Variants in EPB41L4B observed in about 807,000 individuals in gnomAD.
EPB41L4B encodes the protein band 4.1-like protein 4B.
A neutral mutation model predicts 112.5 loss-of-function variants in EPB41L4B; 30 were observed. The observed-to-expected ratio is 0.27, with a 90% confidence interval of 0.20 to 0.36. The LOEUF is 0.36. EPB41L4B is among the 10% of genes least tolerant of loss of function. The pLI, the probability that EPB41L4B is intolerant of heterozygous loss-of-function variation, is 1.00. For missense variants in EPB41L4B, 1,024 were observed against 1,133.3 expected (o/e 0.90, Z 1.38); for synonymous variants, 408 against 439.7 (o/e 0.93, Z 0.90).
Position 109,256,202 on chromosome 9 carries a change from G to A in EPB41L4B, c.863C>T (p.Ser288Phe). 6.2e-7 allele frequency: 1 copy of A among 1,614,164 alleles called. No homozygotes were observed. The highest frequency in any genetic ancestry group is 8.5e-7 in the Non-Finnish European group (1 of 1,180,000). The change falls in exon 9 of 26, where the codon TCT (serine) becomes TTT (phenylalanine). Residue 288 changes from serine (S) to phenylalanine (F), a missense_variant. Physicochemically the swap from Ser to Phe is radical, Grantham distance 155. Coordinates refer to ENST00000374566, the MANE Select transcript of EPB41L4B (RefSeq NM_019114.5). ...TATGCCTGTCGGGGTCAGTCCAAGA[G>A]AATATTCACAGCCATCTCTTCCCTA... is the stretch of plus-strand genomic sequence containing the variant. ...VVRGRDGCEY[S>F]LGLTPTGILI...
chr9:109,311,112 T>C (rs1279026571), intron 1 of EPB41L4B, among the ~76,000 whole-genome samples: 2 of 152,136 alleles, frequency 1.3e-5, no homozygotes, highest in African/African-American at 4.8e-5. Context: ...TGGAGACCAA[T>C]GGTGGTGAAG....
At chr9:109,231,273 T>C (rs1833944707) in intron 15 of EPB41L4B, among the ~76,000 whole-genome samples, 1 of 151,796 alleles carries the variant, frequency 6.6e-6, no homozygotes, top group Admixed American at 6.6e-5. Flanking sequence ...AATGTTCCAA[T>C]CAACTTTGCA....
intron 24 of EPB41L4B, among the ~76,000 whole-genome samples, chr9:109,181,093 C>T (rs1373938903): frequency 2.0e-5 from 3 of 152,178 alleles, no homozygotes; most frequent in Non-Finnish European, 2.9e-5. Context: ...ATCACTGCAG[C>T]GTCAGCCTCC....
intron 1 of EPB41L4B, among the ~76,000 whole-genome samples, chr9:109,316,350 C>A (rs1465507545): frequency 1.3e-5 from 2 of 152,234 alleles, no homozygotes; most frequent in African/African-American, 2.4e-5. Context: ...CCACACTGAG[C>A]ACACAGGGCA....
At chr9:109,239,209 G>T (rs1834265704) in intron 15 of EPB41L4B, among the ~76,000 whole-genome samples, 1 of 152,198 alleles carries the variant, frequency 6.6e-6, no homozygotes, top group African/African-American at 2.4e-5. Flanking sequence ...TACCAAGGCA[G>T]AGGTGAACAG....
chr9:109,189,438 G>T (rs565473613), intron 22 of EPB41L4B, among the ~76,000 whole-genome samples: 1 of 152,264 alleles, frequency 6.6e-6, no homozygotes, highest in South Asian at 2.1e-4. Context: ...AAGAGATCAA[G>T]ATGTGTTACA....
chr9:109,278,141 C>T (rs1404476173), intron 2 of EPB41L4B, among the ~76,000 whole-genome samples: 1 of 152,120 alleles, frequency 6.6e-6, no homozygotes, highest in Non-Finnish European at 1.5e-5. Flanking sequence ...CGGAATTGGA[C>T]TCAGAGGTGG....
chr9:109,175,404 T>C (rs1467680684), intron 25 of EPB41L4B, among the ~76,000 whole-genome samples: 2 of 151,652 alleles, frequency 1.3e-5, no homozygotes, highest in East Asian at 3.9e-4. Flanking sequence ...TTTTGAGAAG[T>C]TGCCTCTGAC....
At chr9:109,276,601 G>C (rs1835839819) in intron 2 of EPB41L4B, among the ~76,000 whole-genome samples, 1 of 152,230 alleles carries the variant, frequency 6.6e-6, no homozygotes, top group South Asian at 2.1e-4. Context: ...AAAGGCCTGA[G>C]AGCCTGAGCA....
At chr9:109,194,958 T>C (rs1187902146) in intron 20 of EPB41L4B, among the ~76,000 whole-genome samples, 3 of 152,336 alleles carry the variant, frequency 2.0e-5, no homozygotes, top group African/African-American at 4.8e-5. Context: ...CATTGTAGCA[T>C]ACATCAAAAT....
intron 18 of EPB41L4B, among the ~76,000 whole-genome samples, chr9:109,207,347 AT>A (rs1210577247): frequency 6.6e-6 from 1 of 152,090 alleles, no homozygotes; most frequent in Non-Finnish European, 1.5e-5. Flanking sequence ...AGGCGCGAGG[AT>A]TGCTTGAGTC....
chr9:109,264,170 T>C (rs1835318247), intron 5 of EPB41L4B, among the ~76,000 whole-genome samples: 1 of 152,246 alleles, frequency 6.6e-6, no homozygotes, highest in Admixed American at 6.5e-5. Flanking sequence ...ACTTGTTCTA[T>C]TGGTCTATGG....
chr9:109,298,980 C>G (rs1319950945), intron 1 of EPB41L4B, among the ~76,000 whole-genome samples: 2 of 152,242 alleles, frequency 1.3e-5, no homozygotes, highest in South Asian at 2.1e-4. Context: ...CCTAGAGAAG[C>G]AAAAATAGGA....
chr9:109,184,494 C>G (rs772587864), intron 23 of EPB41L4B, among the ~76,000 whole-genome samples: 7 of 152,382 alleles, frequency 4.6e-5, no homozygotes, highest in South Asian at 2.1e-4. Flanking sequence ...GCTGGGATTA[C>G]AGGCGTGAGC....
chr9:109,298,246 T>C (rs954400481), intron 1 of EPB41L4B, among the ~76,000 whole-genome samples: 1 of 152,072 alleles, frequency 6.6e-6, no homozygotes, highest in Non-Finnish European at 1.5e-5. Context: ...TGACTATAAG[T>C]TCACCACACA....
At chr9:109,234,275 T>G (rs1834061692) in intron 15 of EPB41L4B, among the ~76,000 whole-genome samples, 1 of 152,220 alleles carries the variant, frequency 6.6e-6, no homozygotes, top group African/African-American at 2.4e-5. Context: ...CCTTTTAACC[T>G]GGATGCTACT....
chr9:109,285,973 C>A (rs1836258982), intron 1 of EPB41L4B, among the ~76,000 whole-genome samples: 1 of 152,122 alleles, frequency 6.6e-6, no homozygotes, highest in Admixed American at 6.5e-5. Flanking sequence ...ACTGCAGCTG[C>A]CTGTGCTCCT....
intron 14 of EPB41L4B, among the ~76,000 whole-genome samples, chr9:109,244,290 A>G (rs963527059): frequency 6.6e-6 from 1 of 151,966 alleles, no homozygotes; most frequent in Non-Finnish European, 1.5e-5. Flanking sequence ...TCATCCTGAT[A>G]AAACAGGAGG....
In EPB41L4B at chr9:109,321,036, G is replaced by A. The variant is rs1837860160; in HGVS notation, c.-590C>T. The A allele has an allele frequency of 5.3e-6, 1 of 190,408 alleles. No homozygotes were observed. Among genetic ancestry groups the A allele is most frequent in the South Asian group, 1.1e-4 (1 of 9,338 alleles). The allele number at this position is 190,408 out of a possible 1,614,324, so 11.8% of individuals were successfully genotyped here. Reference sequence around the variant, plus strand: ...CGCCGCCGCCGCCGCCGCCGCCGCTGCCGCCGGGACTGCAGCACGCCCTCC... The same window carrying A: ...CGCCGCCGCCGCCGCCGCCGCCGCTACCGCCGGGACTGCAGCACGCCCTCC... On this transcript the variant is annotated 5_prime_UTR_variant, in exon 1 of 26. Coordinates refer to ENST00000374566, the MANE Select transcript of EPB41L4B (RefSeq NM_019114.5).
Sources: allele counts gnomAD v4.1 joint callset (sites outside exome capture counted in the v4.1 genomes callset), GRCh38; gene constraint gnomAD v4.1.1; transcripts MANE v1.5; gene names NCBI Gene and HGNC (gene_info 2026-07-23, HGNC 2026-07-21).